NADK: variants seen among roughly 807,000 people sequenced by gnomAD.
NADK encodes the protein poly(P)/ATP NAD kinase.
A neutral mutation model predicts 49.8 loss-of-function variants in NADK; 22 were observed. The observed-to-expected ratio is 0.44, with a 90% confidence interval of 0.32 to 0.63. The LOEUF (loss-of-function observed/expected upper bound fraction) is 0.63, where lower values mean the gene tolerates loss of function less well. Ranked by LOEUF, NADK falls within the 30% of genes least tolerant of loss-of-function variation. The pLI is 0.06. For missense variants in NADK, 438 were observed against 609.4 expected (o/e 0.72, Z 2.96); for synonymous variants, 268 against 253.7 (o/e 1.06, Z -0.54).
At chr1:1,769,124 T>G (rs1645970607) in intron 1 of NADK, among the ~76,000 whole-genome samples, 1 of 152,200 alleles carries the variant, frequency 6.6e-6, no homozygotes, top group African/African-American at 2.4e-5. Flanking sequence ...CTCCCTAGCT[T>G]AAGACATACC....
chr1:1,759,786 A>G, intron 3 of NADK: 1 of 1,556,464 alleles, frequency 6.4e-7, no homozygotes, highest in Non-Finnish European at 8.7e-7. Context: ...ACCACTGAGT[A>G]CGCCCTGGTC....
chr1:1,758,294 G>A, intron 3 of NADK: 19 of 1,514,702 alleles, frequency 1.3e-5, no homozygotes, highest in Admixed American at 1.9e-5. Flanking sequence ...CAACACAGAC[G>A]CCGATGGCAG....
intron 3 of NADK, chr1:1,758,468 C>G (rs199849085): frequency 6.2e-6 from 10 of 1,612,386 alleles, no homozygotes. Context: ...CCCCTGCCTG[C>G]TGGGAGCCGG....
chr1:1,754,155 C>T lies in NADK; in HGVS notation c.997G>A (p.Ala333Thr). The T allele has an allele frequency of 6.2e-7, 1 of 1,612,136 alleles. No homozygotes were observed. Among genetic ancestry groups the T allele is most frequent in the Non-Finnish European group, 8.5e-7 (1 of 1,179,584 alleles). The change falls in exon 10 of 12, where the codon GCC (alanine) becomes ACC (threonine). Residue 333 changes from alanine to threonine, a missense_variant. Coordinates refer to ENST00000341426, the MANE Select transcript of NADK (RefSeq NM_023018.5). This position sits in a 1 kb window ranked among gnomAD's most constrained non-coding sequence, Gnocchi z 4.3. ...GSTAYAAAAG[A>T]SMIHPNVPAI... Reference sequence around the variant, plus strand: ...GGCACGTTGGGGTGGATCATGGAGGCCCCGGCCGCGGCCGCATACGCCGTG... The same window carrying T: ...GGCACGTTGGGGTGGATCATGGAGGTCCCGGCCGCGGCCGCATACGCCGTG...
chr1:1,775,835 T>C (rs945713073), intron 1 of NADK, among the ~76,000 whole-genome samples: 21 of 152,320 alleles, frequency 1.4e-4, no homozygotes, highest in Non-Finnish European at 2.4e-4. Flanking sequence ...TTTGCAATTG[T>C]GGGCCAGGAA....
At chr1:1,759,667 AG>A in intron 3 of NADK, 1 of 1,486,012 alleles carries the variant, frequency 6.7e-7, no homozygotes, top group South Asian at 1.3e-5. Context: ...CAGAGCCCAG[AG>A]GGGGCGTGCT....
chr1:1,778,432 C>T lies in NADK; in HGVS notation c.-184G>A, dbSNP rs910629239. 10 of 147,942 alleles carry T rather than the reference C, an allele frequency of 6.8e-5. No individual in the cohort carries two copies. Among genetic ancestry groups the T allele is most frequent in the African/African-American group, 2.4e-4 (10 of 40,968 alleles). 9.2% of individuals were successfully genotyped at this position (147,942 alleles called of 1,614,324 possible). On this transcript the variant is annotated 5_prime_UTR_variant, in exon 1 of 12. Transcript: ENST00000341426. The surrounding 1 kb of genome is among the most constrained non-coding windows in gnomAD (Gnocchi z 4.9). ...CCCCATGGCCGCCCGGACCCCGGCGCCGGCGCCGCCGAGCAGCAATGCGCC... is the reference window on the plus strand; with the variant it reads ...CCCCATGGCCGCCCGGACCCCGGCGTCGGCGCCGCCGAGCAGCAATGCGCC...
chr1:1,762,125 G>A, intron 2 of NADK, 90 bp from the exon 3 acceptor site: 2 of 1,089,322 alleles, frequency 1.8e-6, no homozygotes, highest in Non-Finnish European at 1.4e-6. Context: ...ACACGGTAAG[G>A]CATACATGCA....
At chr1:1,759,219 G>C (rs1645634819) in intron 3 of NADK, 3 of 1,576,044 alleles carry the variant, frequency 1.9e-6, no homozygotes, top group Non-Finnish European at 2.6e-6. Flanking sequence ...CCACAAACCA[G>C]CGCCTCGACC....
At position 1,752,815 on chromosome 1, in the gene NADK, C is replaced by T; in HGVS notation, c.*89G>A. The T allele has an allele frequency of 2.0e-6, 3 of 1,469,114 alleles. No individual in the cohort carries two copies. The highest frequency in any genetic ancestry group is 2.8e-6 in the Non-Finnish European group (3 of 1,080,842). The allele number at this position is 1,469,114 out of a possible 1,614,324, so 91.0% of individuals were successfully genotyped here. A position where few individuals can be genotyped will look rare whatever the true frequency, so the allele number is the denominator to read the frequency against. The stretch of plus-strand genomic sequence containing the variant: ...AAAGGAAGTGGCCGTGCCACTGAGA[C>T]AGGCGGTCACAGACACACGCAGATT... On this transcript the variant is annotated 3_prime_UTR_variant, in exon 12 of 12. Transcript: ENST00000341426.
intron 1 of NADK, among the ~76,000 whole-genome samples, chr1:1,767,163 C>T (rs548702277): frequency 1.7e-4 from 26 of 152,124 alleles, no homozygotes; most frequent in Admixed American, 7.2e-4. Flanking sequence ...ATGATCTGCC[C>T]GCCTCAGCAT....
intron 1 of NADK, among the ~76,000 whole-genome samples, chr1:1,766,177 C>T (rs557596188): frequency 5.9e-5 from 9 of 151,734 alleles, no homozygotes; most frequent in Non-Finnish European, 1.2e-4. Context: ...TGGCCAGGTG[C>T]GGTGGCTCAC....
chr1:1,766,653 A>G (rs66701417), intron 1 of NADK, among the ~76,000 whole-genome samples: 60,056 of 151,282 alleles, frequency 0.4, 14,392 homozygotes, highest in Admixed American at 0.55. Flanking sequence ...ACTGGTGAGG[A>G]TAGAAAACCT....
chr1:1,778,269 G>C lies in NADK; in HGVS notation c.-41+20C>G, dbSNP rs939916462. On this transcript the variant is annotated intron_variant, in intron 1 of 11. Coordinates refer to ENST00000341426, the MANE Select transcript of NADK (RefSeq NM_023018.5). This position sits in a 1 kb window ranked among gnomAD's most constrained non-coding sequence, Gnocchi z 4.9. Reference sequence around the variant, plus strand: ...AGCGGGCGACCCCAGGCGGACGGCAGGCCGGGTCTGCTCACTCACCGTTCG... The same window carrying C: ...AGCGGGCGACCCCAGGCGGACGGCACGCCGGGTCTGCTCACTCACCGTTCG... The C allele has an allele frequency of 5.3e-5, 8 of 152,050 alleles. No homozygotes were observed. The highest frequency in any genetic ancestry group is 1.9e-4 in the African/African-American group (8 of 41,430). 9.4% of individuals were successfully genotyped at this position (152,050 alleles called of 1,614,324 possible). A position where few individuals can be genotyped will look rare whatever the true frequency, so the allele number is the denominator to read the frequency against.
upstream of NADK, among the ~76,000 whole-genome samples, chr1:1,778,946 G>A (rs978203593): frequency 1.3e-5 from 2 of 152,244 alleles, no homozygotes; most frequent in African/African-American, 2.4e-5. The surrounding 1 kb of genome is among the most constrained non-coding windows in gnomAD (Gnocchi z 4.9). Flanking sequence ...CCTAATTACC[G>A]GGCTGTGACA....
chr1:1,780,286 A>G (rs1646329064), upstream of NADK: 1 of 152,164 alleles, frequency 6.6e-6, no homozygotes, highest in African/African-American at 2.4e-5. Context: ...GCGCACCCAC[A>G]AGCCAGGCAC....
chr1:1,763,041 C>T (rs974964078), intron 2 of NADK, among the ~76,000 whole-genome samples: 7 of 152,254 alleles, frequency 4.6e-5, no homozygotes, highest in Middle Eastern at 3.2e-3. Context: ...CCAACAAAAT[C>T]CTCAAGTCCC....
intron 3 of NADK, among the ~76,000 whole-genome samples, chr1:1,761,301 T>C (rs966003348): frequency 1.3e-5 from 2 of 152,132 alleles, no homozygotes; most frequent in Non-Finnish European, 2.9e-5. Flanking sequence ...AATTTTTGTG[T>C]TTTTTGTAGG....
rs773044640 is a variant in NADK, at chr1:1,752,857, G to T, written c.*47C>A. 1.3e-6 allele frequency: 2 copies of T among 1,586,754 alleles called. No individual in the cohort carries two copies. The highest frequency in any genetic ancestry group is 1.7e-6 in the Non-Finnish European group (2 of 1,163,770). ...ACGCAGATTGGTCTGTCCCCAGAGG[G>T]CGCTTGGAGGGCAGCGGAAGGATTC... On this transcript the variant is annotated 3_prime_UTR_variant, in exon 12 of 12. Transcript: ENST00000341426.
Sources: gnomAD v4.1 joint callset for allele counts (sites outside exome capture counted in the v4.1 genomes callset) on GRCh38, gnomAD v4.1.1 for gene constraint, Gnocchi (gnomAD v3.1) non-coding constraint, MANE v1.5 for transcripts, NCBI Gene and HGNC (gene_info 2026-07-23, HGNC 2026-07-21) for gene names.